Variants in N4BP2 observed in about 807,000 individuals in gnomAD.
The protein encoded by N4BP2 is NEDD4-binding protein 2.
A neutral mutation model predicts 152.8 loss-of-function variants in N4BP2; 91 were observed. The observed-to-expected ratio is 0.60, with a 90% CI of 0.50 to 0.71. The LOEUF is 0.71. N4BP2 is among the 30% of genes least tolerant of loss of function. The pLI, the probability that N4BP2 is intolerant of heterozygous loss-of-function variation, is 0.00. For synonymous variants in N4BP2, 646 were observed against 705.3 expected (o/e 0.92, Z 1.33); for missense variants, 1,923 against 2,059.1 (o/e 0.93, Z 1.28).
At chr4:40,084,632 T>TATAA (rs1553919456) in intron 2 of N4BP2, among the ~76,000 whole-genome samples, 3 of 87,002 alleles carry the variant, frequency 3.4e-5, no homozygotes, top group Non-Finnish European at 7.6e-5. Context: ...ATATATATAA[T>TATAA]TTTTTTTTTT....
intron 1 of N4BP2, among the ~76,000 whole-genome samples, chr4:40,070,924 A>T (rs1183383473): frequency 2.0e-5 from 3 of 150,852 alleles, no homozygotes; most frequent in Admixed American, 1.3e-4. Context: ...TCCTGAGTTC[A>T]TGCAGTTCTC....
chr4:40,098,183 A>T (rs1715275937), intron 3 of N4BP2, among the ~76,000 whole-genome samples: 1 of 152,240 alleles, frequency 6.6e-6, no homozygotes, highest in Non-Finnish European at 1.5e-5. Context: ...AATTATAATT[A>T]TGCAAATAAG....
chr4:40,079,464 T>C (rs898147843), intron 2 of N4BP2, among the ~76,000 whole-genome samples: 1 of 151,644 alleles, frequency 6.6e-6, no homozygotes, highest in African/African-American at 2.4e-5. Context: ...ATATCTACTT[T>C]AATGGCAGTA....
the N4BP2 span, among the ~76,000 whole-genome samples, chr4:40,165,264 CTTT>C: frequency 6.7e-6 from 1 of 148,638 alleles, no homozygotes; most frequent in Non-Finnish European, 1.5e-5. Context: ...TCAATCTGTA[CTTT>C]TTTTTTTGAC....
chr4:40,098,046 C>T (rs565830651), intron 3 of N4BP2, among the ~76,000 whole-genome samples: 111 of 152,320 alleles, frequency 7.3e-4, no homozygotes, highest in African/African-American at 2.5e-3. Flanking sequence ...GAGAACCACT[C>T]TCCTAGAATG....
intron 12 of N4BP2, among the ~76,000 whole-genome samples, chr4:40,129,046 T>G (rs1193473535): frequency 6.6e-6 from 1 of 152,032 alleles, no homozygotes; most frequent in African/African-American, 2.4e-5. Flanking sequence ...TTTTGCTTGT[T>G]TTTCTTTTTC....
chr4:40,089,712 C>T (rs1474519191), intron 2 of N4BP2, among the ~76,000 whole-genome samples: 1 of 152,230 alleles, frequency 6.6e-6, no homozygotes, highest in Non-Finnish European at 1.5e-5. Context: ...GCTGGGATTA[C>T]AGGCATGAGC....
chr4:40,101,145 T>C (rs1014297267), intron 3 of N4BP2, among the ~76,000 whole-genome samples: 2 of 152,102 alleles, frequency 1.3e-5, no homozygotes, highest in Non-Finnish European at 2.9e-5. Context: ...TTATCAAAAG[T>C]GTGCATTATT....
chr4:40,083,944 A>G (rs1175777318), intron 2 of N4BP2, among the ~76,000 whole-genome samples: 1 of 152,222 alleles, frequency 6.6e-6, no homozygotes, highest in East Asian at 1.9e-4. Context: ...ATGATTTTAA[A>G]TGTATTTTGG....
chr4:40,165,739 C>T, the N4BP2 span, among the ~76,000 whole-genome samples: 25 of 152,252 alleles, frequency 1.6e-4, no homozygotes, highest in Admixed American at 1.6e-3. Flanking sequence ...CCCCTTATGA[C>T]TCAGTTTCAA....
intron 14 of N4BP2, among the ~76,000 whole-genome samples, chr4:40,139,522 C>T (rs1393547632): frequency 5.2e-5 from 7 of 135,262 alleles, no homozygotes; most frequent in African/African-American, 2.0e-4. Flanking sequence ...GACAGAGACT[C>T]ACTCTGTCGC....
intron 1 of N4BP2, among the ~76,000 whole-genome samples, chr4:40,058,622 G>C (rs1229631831): frequency 6.6e-6 from 1 of 152,190 alleles, no homozygotes; most frequent in African/African-American, 2.4e-5. Flanking sequence ...TAGTTAATTT[G>C]AAGGGGAGAT....
chr4:40,112,496 T>C (rs1376147652), intron 6 of N4BP2, among the ~76,000 whole-genome samples: 1 of 152,166 alleles, frequency 6.6e-6, no homozygotes, highest in Non-Finnish European at 1.5e-5. Context: ...TATTTCCTTT[T>C]CCTCATACTT....
At chr4:40,187,271 G>A in the N4BP2 span, among the ~76,000 whole-genome samples, 1 of 151,032 alleles carries the variant, frequency 6.6e-6, no homozygotes, top group Non-Finnish European at 1.5e-5. Context: ...TTTTAATACT[G>A]TAAATGGAAT....
intron 14 of N4BP2, among the ~76,000 whole-genome samples, chr4:40,141,834 C>G (rs1347209047): frequency 2.0e-5 from 3 of 152,234 alleles, no homozygotes; most frequent in African/African-American, 7.2e-5. Context: ...ATCTGCAATC[C>G]CGGCACCTCG....
At chr4:40,167,353 T>G in the N4BP2 span, 2 of 152,166 alleles carry the variant, frequency 1.3e-5, no homozygotes, top group Non-Finnish European at 2.9e-5. Context: ...CTAGGCAGGA[T>G]TGATGAGAAA....
At position 40,092,013 on chromosome 4, in the gene N4BP2, TATA is replaced by T. The variant is rs1560584903; in HGVS notation, c.-114-5213_-114-5211del. Among the ~76,000 whole-genome samples, 322 of 54,110 alleles carry T rather than the reference TATA, an allele frequency of 6.0e-3. 2 individuals are homozygous for T. Among genetic ancestry groups the T allele is most frequent in the South Asian group, 0.02 (31 of 1,520 alleles). The allele number at this position is 54,110 out of a possible 152,430, so 35.5% of individuals were successfully genotyped here. A position where few individuals can be genotyped will look rare whatever the true frequency, so the allele number is the denominator to read the frequency against. On this transcript the variant is annotated intron_variant, in intron 2 of 17. Coordinates refer to ENST00000261435, the MANE Select transcript of N4BP2 (RefSeq NM_018177.6). ...AAAAAAAAAAAAAAAAAAAATTATA[TATA>T]TATATATATATATATATATATATAT...
the N4BP2 span, among the ~76,000 whole-genome samples, chr4:40,175,262 C>A: frequency 6.6e-6 from 1 of 150,660 alleles, no homozygotes; most frequent in African/African-American, 2.4e-5. Flanking sequence ...GAACTCCTGG[C>A]CATATGTGCG....
In N4BP2 at chr4:40,103,153, T is replaced by C. The variant is rs998564071; in HGVS notation, c.1308T>C (p.Ser436=). 4 of 1,614,208 alleles carry C rather than the reference T, an allele frequency of 2.5e-6. No individual in the cohort carries two copies. Among genetic ancestry groups the C allele is most frequent in the Non-Finnish European group, 3.4e-6 (4 of 1,180,030 alleles). Reference sequence around the variant, plus strand: ...CTCAGGTTGTAAGAAAGAAGACATCTTACGTTGGACTAGTTCTTGTTCTTC... The same window carrying C: ...CTCAGGTTGTAAGAAAGAAGACATCCTACGTTGGACTAGTTCTTGTTCTTC... ...PVSQVVRKKT[S]YVGLVLVLLR... Residue 436 remains serine, a synonymous_variant, in exon 4 of 18, where the codon TCT becomes TCC. Coordinates refer to ENST00000261435, the MANE Select transcript of N4BP2 (RefSeq NM_018177.6).
Sources: allele counts gnomAD v4.1 joint callset (sites outside exome capture counted in the v4.1 genomes callset), GRCh38; gene constraint gnomAD v4.1.1; transcripts MANE v1.5; gene names NCBI Gene and HGNC (gene_info 2026-07-23, HGNC 2026-07-21).